Variants in LGALS12 observed in about 807,000 individuals in gnomAD.
The protein encoded by LGALS12 is galectin-12.
In LGALS12, 36 loss-of-function variants were observed where a neutral mutation model predicts 36.8. That is an observed-to-expected ratio of 0.98 (90% CI 0.75 to 1.29). The LOEUF is 1.29. Ranked by LOEUF, LGALS12 falls within the 50% of genes most tolerant of loss-of-function variation. LGALS12 has a pLI of 0.00. For synonymous variants in LGALS12, 145 were observed against 155.9 expected, an observed-to-expected ratio of 0.93 and a Z score of 0.52; for missense variants, 366 against 394.3, an observed-to-expected ratio of 0.93 and a Z score of 0.61.
intron 7 of LGALS12, among the ~76,000 whole-genome samples, chr11:63,514,187 C>T (rs7123161): frequency 0.05 from 7,542 of 152,268 alleles, 605 homozygotes; most frequent in African/African-American, 0.17. Flanking sequence ...GGCCTTTTCC[C>T]CTACCTTACC....
At chr11:63,511,133 A>AGGGCTGGGGGCGC (rs776697296) in intron 6 of LGALS12, 28 bp downstream of exon 6, 10 of 1,610,180 alleles carry the variant, frequency 6.2e-6, no homozygotes, top group Non-Finnish European at 8.5e-6. Context: ...CTGCTCTGTC[A>AGGGCTGGGGGCGC]GGGCTGGGGG....
At chr11:63,511,294 G>C (rs559812730) in intron 6 of LGALS12, among the ~76,000 whole-genome samples, 189 bp downstream of exon 6, 3 of 151,940 alleles carry the variant, frequency 2.0e-5, no homozygotes, top group African/African-American at 4.8e-5. Context: ...TTTATAGCAA[G>C]CTGCAGGCTG....
At chr11:63,508,517 C>A (rs1237963549) in intron 1 of LGALS12, 36 bp from the exon 2 acceptor site, 3 of 1,613,798 alleles carry the variant, frequency 1.9e-6, no homozygotes, top group Non-Finnish European at 2.5e-6. Flanking sequence ...AGCCCTTTCT[C>A]CAAACCTGCA....
chr11:63,514,864 C>T (rs573305683), intron 7 of LGALS12, among the ~76,000 whole-genome samples: 2 of 150,756 alleles, frequency 1.3e-5, no homozygotes, highest in South Asian at 4.2e-4. Flanking sequence ...TACATTATCT[C>T]CTTTGTTCCT....
chr11:63,516,440 C>T lies in LGALS12; in HGVS notation c.*47C>T. 1.2e-6 allele frequency: 2 copies of T among 1,607,432 alleles called. No individual in the cohort carries two copies. Among genetic ancestry groups the T allele is most frequent in the Non-Finnish European group, 1.7e-6 (2 of 1,176,382 alleles). On this transcript the variant is annotated 3_prime_UTR_variant, in exon 9 of 9. Coordinates refer to ENST00000394618, the MANE Select transcript of LGALS12 (RefSeq NM_033101.4). Reference sequence around the variant, plus strand: ...GCCAGAAAACAAGAAGGTCAGCCCACTCCCAGGGCCCCACTCTCCTCCCCT... The same window carrying T: ...GCCAGAAAACAAGAAGGTCAGCCCATTCCCAGGGCCCCACTCTCCTCCCCT...
chr11:63,516,087 C>T (rs368746852), intron 8 of LGALS12, among the ~76,000 whole-genome samples, 160 bp from the exon 9 acceptor site: 43 of 152,198 alleles, frequency 2.8e-4, no homozygotes, highest in Non-Finnish European at 5.4e-4. Flanking sequence ...GGTGACAAGC[C>T]GGGCCCCTTA....
At position 63,516,432 on chromosome 11, in the gene LGALS12, T is replaced by G. The variant is rs749408444; in HGVS notation, c.*39T>G. 1.2e-6 allele frequency: 2 copies of G among 1,611,526 alleles called. No homozygotes were observed. Among genetic ancestry groups the G allele is most frequent in the South Asian group, 2.2e-5 (2 of 91,048 alleles). The stretch of plus-strand genomic sequence containing the variant: ...GAAATACCGCCAGAAAACAAGAAGG[T>G]CAGCCCACTCCCAGGGCCCCACTCT... On this transcript the variant is annotated 3_prime_UTR_variant, in exon 9 of 9. Transcript: ENST00000394618.
rs759379954 is a variant in LGALS12, at chr11:63,511,796, G to GCAGGTCAT, written c.606_613dup (p.Ile205ArgfsTer4). On this transcript the variant is annotated frameshift_variant, in exon 7 of 9. Coordinates refer to ENST00000394618, the MANE Select transcript of LGALS12 (RefSeq NM_033101.4). LOFTEE classifies it high-confidence loss of function. ...CTCTTCCCCAGGGTCTCTCGCCTGGGCAGGTCATCATAGTACGGGGACTGG... is the reference window on the plus strand; with the variant it reads ...CTCTTCCCCAGGGTCTCTCGCCTGGGCAGGTCATCAGGTCATCATAGTACGGGGACTGG... The GCAGGTCAT allele has an allele frequency of 1.4e-5, 23 of 1,613,724 alleles. No individual in the cohort carries two copies. The highest frequency in any genetic ancestry group is 1.9e-5 in the Non-Finnish European group (23 of 1,179,952).
At chr11:63,510,262 C>A (rs1354784599) in intron 4 of LGALS12, among the ~76,000 whole-genome samples, 1 of 152,194 alleles carries the variant, frequency 6.6e-6, no homozygotes, top group Non-Finnish European at 1.5e-5. Context: ...CTGGGGCTTG[C>A]CACCAGAGAT....
Position 63,511,689 on chromosome 11 carries a change from G to T in LGALS12, c.559-63G>T. On this transcript the variant is annotated intron_variant, in intron 6 of 8. Coordinates refer to ENST00000394618, the MANE Select transcript of LGALS12 (RefSeq NM_033101.4). The stretch of plus-strand genomic sequence containing the variant: ...CCCCAGTGCTCCCCTGGCCCCCGGG[G>T]ATGGGCGGTCCTCCCCAGTCCCCCT... 6 of 1,225,488 alleles carry T rather than the reference G, an allele frequency of 4.9e-6. No individual in the cohort carries two copies. In the South Asian group the frequency reaches 6.1e-5, roughly 12 times the overall value. 75.9% of individuals were successfully genotyped at this position (1,225,488 alleles called of 1,614,324 possible).
At chr11:63,508,453 A>T (rs1364843276) in intron 1 of LGALS12, 100 bp from the exon 2 acceptor site, 1 of 1,515,570 alleles carries the variant, frequency 6.6e-7, no homozygotes, top group Non-Finnish European at 8.8e-7. Flanking sequence ...GGAGAGGAAA[A>T]GTTGAGTTTT....
At chr11:63,511,579 G>A (rs1466728078) in intron 6 of LGALS12, among the ~76,000 whole-genome samples, 173 bp from the exon 7 acceptor site, 2 of 152,208 alleles carry the variant, frequency 1.3e-5, no homozygotes, top group East Asian at 1.9e-4. Context: ...CGGGGAAAGT[G>A]TTCGGCAATA....
At chr11:63,506,610 T>A in intron 1 of LGALS12, 83 bp downstream of exon 1, 1 of 1,562,554 alleles carries the variant, frequency 6.4e-7, no homozygotes, top group Non-Finnish European at 8.8e-7. Context: ...GGTGGTGGGG[T>A]GGAAAGGACC....
intron 7 of LGALS12, among the ~76,000 whole-genome samples, chr11:63,514,036 C>T (rs907327739): frequency 1.5e-4 from 23 of 152,308 alleles, no homozygotes; most frequent in African/African-American, 4.8e-4. Context: ...GGAGGCTCCA[C>T]GCAGTCCACT....
At chr11:63,514,300 G>A (rs894759507) in intron 7 of LGALS12, among the ~76,000 whole-genome samples, 10 of 152,268 alleles carry the variant, frequency 6.6e-5, no homozygotes, top group East Asian at 1.9e-4. Context: ...GGCCGGGCGC[G>A]GTGGCTCAAG....
Position 63,516,456 on chromosome 11 carries a change from C to A in LGALS12, c.*63C>A. 1 of 1,582,032 alleles carries A rather than the reference C, an allele frequency of 6.3e-7. No individual in the cohort carries two copies. Among genetic ancestry groups the A allele is most frequent in the Non-Finnish European group, 8.6e-7 (1 of 1,156,208 alleles). On this transcript the variant is annotated 3_prime_UTR_variant, in exon 9 of 9. Coordinates refer to ENST00000394618, the MANE Select transcript of LGALS12 (RefSeq NM_033101.4). ...GTCAGCCCACTCCCAGGGCCCCACT[C>A]TCCTCCCCTCATTAAACCATCCACC...
At chr11:63,512,526 C>G (rs775909589) in intron 7 of LGALS12, among the ~76,000 whole-genome samples, 5 of 152,148 alleles carry the variant, frequency 3.3e-5, no homozygotes, top group African/African-American at 9.7e-5. Flanking sequence ...CGCGGTGGCT[C>G]ACACCTATAA....
chr11:63,511,427 G>A (rs2016917627), intron 6 of LGALS12, among the ~76,000 whole-genome samples: 2 of 152,180 alleles, frequency 1.3e-5, no homozygotes, highest in South Asian at 4.1e-4. Flanking sequence ...TAGGATAGAG[G>A]AACAAGCTGG....
intron 1 of LGALS12, chr11:63,508,202 C>T: frequency 1.7e-6 from 2 of 1,143,642 alleles, no homozygotes; most frequent in Non-Finnish European, 2.2e-6. Flanking sequence ...AGCCCCAGTA[C>T]CAGGCTTCTG....
Sources: gnomAD v4.1 joint callset for allele counts (sites outside exome capture counted in the v4.1 genomes callset) on GRCh38, gnomAD v4.1.1 for gene constraint, MANE v1.5 for transcripts, NCBI Gene and HGNC (gene_info 2026-07-23, HGNC 2026-07-21) for gene names.